Variants in SORCS2 observed in about 807,000 individuals in gnomAD.
SORCS2 encodes sortilin related VPS10 domain containing receptor 2.
In SORCS2, 100 loss-of-function variants were observed where a neutral mutation model predicts 141.6. That is an observed-to-expected ratio of 0.71 (90% CI 0.60 to 0.83). The LOEUF (loss-of-function observed/expected upper bound fraction) is 0.83, where lower values mean the gene tolerates loss of function less well. Among genes scored for constraint, SORCS2 ranks in the 40% least tolerant of loss-of-function variants. The probability of loss-of-function intolerance (pLI) is 0.00; values close to 1 mark genes in which losing one functional copy is unlikely to be tolerated. For synonymous variants in SORCS2, 789 were observed against 676.9 expected, an observed-to-expected ratio of 1.17 and a Z score of -2.57; for missense variants, 1,646 against 1,560.2, an observed-to-expected ratio of 1.05 and a Z score of -0.93.
Position 7,734,259 on chromosome 4 carries a change from G to A in SORCS2, c.3209-13G>A, listed in dbSNP as rs201560932. The A allele has an allele frequency of 1.2e-4, 185 of 1,582,898 alleles. No individual in the cohort carries two copies. The highest frequency in any genetic ancestry group is 1.4e-4 in the Non-Finnish European group (159 of 1,165,514). On this transcript the variant is annotated splice_polypyrimidine_tract_variant and intron_variant, in intron 24 of 26. Transcript: ENST00000507866. Reference sequence around the variant, plus strand: ...TGCCCGAGGTCCTCCACTGACAACCGCTTTGCTTGCAGGTGCTGAGCAGCT... The same window carrying A: ...TGCCCGAGGTCCTCCACTGACAACCACTTTGCTTGCAGGTGCTGAGCAGCT...
chr4:7,373,478 ATTTTTT>A lies in SORCS2; in HGVS notation c.481-22787_481-22782del, dbSNP rs71173496. Among the ~76,000 whole-genome samples, 11 of 36,814 alleles carry A rather than the reference ATTTTTT, an allele frequency of 3.0e-4. No homozygotes were observed. The South Asian group carries it at 4.0e-3, about 13-fold the overall frequency. The allele number at this position is 36,814 out of a possible 152,430, so 24.2% of individuals were successfully genotyped here. A position where few individuals can be genotyped will look rare whatever the true frequency, so the allele number is the denominator to read the frequency against. The stretch of plus-strand genomic sequence containing the variant: ...AACTTTTATATATATATATATATAT[ATTTTTT>A]TTTTTTTTTTTTTTTTTTTTTTGAG... On this transcript the variant is annotated intron_variant, in intron 1 of 26. Transcript: ENST00000507866.
chr4:7,410,022 C>T (rs1190561838), intron 2 of SORCS2, among the ~76,000 whole-genome samples: 1 of 152,326 alleles, frequency 6.6e-6, no homozygotes, highest in Non-Finnish European at 1.5e-5. Flanking sequence ...CTGACGCTCA[C>T]TGATATAAAG....
intron 2 of SORCS2, among the ~76,000 whole-genome samples, chr4:7,485,684 G>C (rs1216599166): frequency 2.6e-5 from 4 of 152,258 alleles, no homozygotes; most frequent in Non-Finnish European, 5.9e-5. Flanking sequence ...CAGAGGGTGG[G>C]AGCTGAGGCT....
At chr4:7,221,444 C>T (rs761035639) in intron 1 of SORCS2, among the ~76,000 whole-genome samples, 4 of 152,216 alleles carry the variant, frequency 2.6e-5, no homozygotes, top group Non-Finnish European at 5.9e-5. Flanking sequence ...GCCGTAGTGA[C>T]CTTCTGTGTG....
chr4:7,376,809 A>G (rs1722686130), intron 1 of SORCS2, among the ~76,000 whole-genome samples: 1 of 151,544 alleles, frequency 6.6e-6, no homozygotes, highest in South Asian at 2.1e-4. Context: ...CTGCTCATAT[A>G]GTGTCTAGAA....
At chr4:7,452,384 C>T (rs1447176217) in intron 2 of SORCS2, among the ~76,000 whole-genome samples, 1 of 152,198 alleles carries the variant, frequency 6.6e-6, no homozygotes, top group East Asian at 1.9e-4. Flanking sequence ...TCAGGTGATC[C>T]ACCTGCCTTG....
Position 7,663,295 on chromosome 4 carries a change from T to G in SORCS2, c.953-1058T>G, listed in dbSNP as rs1722296054. On this transcript the variant is annotated intron_variant, in intron 6 of 26. Coordinates refer to ENST00000507866, the MANE Select transcript of SORCS2 (RefSeq NM_020777.3). This position sits in a 1 kb window ranked among gnomAD's most constrained non-coding sequence, Gnocchi z 4.8. The stretch of plus-strand genomic sequence containing the variant: ...GTGAATGAATAAGTGAGTGAGTGAA[T>G]GAGTGACTGAGTGAATGAATGAGTG... Among the ~76,000 whole-genome samples, 1 of 151,996 alleles carries G rather than the reference T, an allele frequency of 6.6e-6. No individual in the cohort carries two copies. Among genetic ancestry groups the G allele is most frequent in the African/African-American group, 2.4e-5 (1 of 41,384 alleles).
intron 3 of SORCS2, among the ~76,000 whole-genome samples, chr4:7,578,795 A>G (rs979738753): frequency 6.6e-6 from 1 of 152,130 alleles, no homozygotes; most frequent in African/African-American, 2.4e-5. Flanking sequence ...GGAGGATTTG[A>G]TCTTGTGGTT....
chr4:7,536,833 G>GTT (rs199566651), intron 3 of SORCS2, among the ~76,000 whole-genome samples: 4 of 21,574 alleles, frequency 1.9e-4, no homozygotes, highest in Non-Finnish European at 4.3e-4. Context: ...ACTCAGATGT[G>GTT]GGGGGGGGGG....
chr4:7,298,825 TC>T lies in SORCS2; in HGVS notation c.481-97460del, dbSNP rs1392469477. On this transcript the variant is annotated intron_variant, in intron 1 of 26. Coordinates refer to ENST00000507866, the MANE Select transcript of SORCS2 (RefSeq NM_020777.3). Reference sequence around the variant, plus strand: ...GTGCTGGGCCCCTGTTCTGCAAACATCCCTGGGATCCTCATGCTGCATCCGG... The same window carrying T: ...GTGCTGGGCCCCTGTTCTGCAAACATCCTGGGATCCTCATGCTGCATCCGG... Among the ~76,000 whole-genome samples, 38 of 152,304 alleles carry T rather than the reference TC, an allele frequency of 2.5e-4. 1 individual carries two copies. Among genetic ancestry groups the T allele is most frequent in the African/African-American group, 8.4e-4 (35 of 41,582 alleles).
intron 1 of SORCS2, among the ~76,000 whole-genome samples, chr4:7,249,375 A>G (rs1387495061): frequency 6.6e-6 from 1 of 152,166 alleles, no homozygotes; most frequent in African/African-American, 2.4e-5. Flanking sequence ...GAAGTGGAAA[A>G]AAAAGTGGAA....
intron 2 of SORCS2, chr4:7,433,964 G>A (rs1291495624): frequency 3.7e-6 from 6 of 1,613,800 alleles, no homozygotes; most frequent in Non-Finnish European, 5.1e-6. Flanking sequence ...ATGAGCCAGT[G>A]GTCCAGCTTC....
In SORCS2 at chr4:7,664,567, T is replaced by C; in HGVS notation, c.1071+96T>C. The C allele has an allele frequency of 1.2e-6, 1 of 824,862 alleles. No homozygotes were observed. The highest frequency in any genetic ancestry group is 1.9e-6 in the Non-Finnish European group (1 of 519,398). 51.1% of individuals were successfully genotyped at this position (824,862 alleles called of 1,614,324 possible). The stretch of plus-strand genomic sequence containing the variant: ...ATGGCATCGCTCAGAAAAGAGGCAA[T>C]AAAACGGGTATTTCACTCTCAAATG... On this transcript the variant is annotated intron_variant, in intron 7 of 26. Coordinates refer to ENST00000507866, the MANE Select transcript of SORCS2 (RefSeq NM_020777.3). The surrounding 1 kb of genome is among the most constrained non-coding windows in gnomAD (Gnocchi z 4.7).
At chr4:7,716,644 T>A (rs930835804) in intron 17 of SORCS2, among the ~76,000 whole-genome samples, 26 of 151,584 alleles carry the variant, frequency 1.7e-4, no homozygotes, top group African/African-American at 5.1e-4. Flanking sequence ...CATCTACCCA[T>A]CCATCTATCC....
intron 2 of SORCS2, among the ~76,000 whole-genome samples, chr4:7,524,154 A>G (rs1484950435): frequency 2.0e-5 from 3 of 152,316 alleles, no homozygotes; most frequent in East Asian, 3.9e-4. Flanking sequence ...GGGTGACGCT[A>G]TTGGGTCCAG....
At chr4:7,290,384 G>C (rs775618883) in intron 1 of SORCS2, among the ~76,000 whole-genome samples, 1 of 152,088 alleles carries the variant, frequency 6.6e-6, no homozygotes, top group Admixed American at 6.5e-5. Context: ...ATGCTCCCAC[G>C]GGGTGCTCAG....
intron 1 of SORCS2, among the ~76,000 whole-genome samples, chr4:7,251,340 A>G (rs1370225838): frequency 6.6e-6 from 1 of 152,134 alleles, no homozygotes; most frequent in African/African-American, 2.4e-5. Flanking sequence ...GAATTGAACA[A>G]ATTTTTTAAA....
At chr4:7,290,663 A>T (rs958303288) in intron 1 of SORCS2, among the ~76,000 whole-genome samples, 4 of 152,164 alleles carry the variant, frequency 2.6e-5, no homozygotes, top group Non-Finnish European at 4.4e-5. Context: ...CCTGCCCCTC[A>T]TCCATGTATG....
At chr4:7,655,610 A>C (rs1176447576) in intron 5 of SORCS2, among the ~76,000 whole-genome samples, 3 of 152,156 alleles carry the variant, frequency 2.0e-5, no homozygotes, top group African/African-American at 7.2e-5. Context: ...GCTCATGGGG[A>C]GAGGCGACGG....
Sources: gnomAD v4.1 joint callset for allele counts (sites outside exome capture counted in the v4.1 genomes callset) on GRCh38, gnomAD v4.1.1 for gene constraint, Gnocchi (gnomAD v3.1) non-coding constraint, MANE v1.5 for transcripts, NCBI Gene and HGNC (gene_info 2026-07-23, HGNC 2026-07-21) for gene names.